TSPAN9: variants seen among roughly 807,000 people sequenced by gnomAD.
TSPAN9 encodes tetraspanin 9, also known as tetraspanin-9.
In TSPAN9, 16 loss-of-function variants were observed where a neutral mutation model predicts 31.0. The ratio of observed to expected loss-of-function variants is 0.52; its 90% confidence interval spans 0.35 to 0.78. TSPAN9 has a LOEUF of 0.78. Among genes scored for constraint, TSPAN9 ranks in the 30% least tolerant of loss-of-function variants. The pLI is 0.01. For synonymous variants in TSPAN9, 145 were observed against 121.6 expected, an observed-to-expected ratio of 1.19 and a Z score of -1.27; for missense variants, 272 against 312.5, an observed-to-expected ratio of 0.87 and a Z score of 0.98.
At chr12:3,174,833 C>T (rs12827626) in intron 2 of TSPAN9, among the ~76,000 whole-genome samples, 23,662 of 151,406 alleles carry the variant, frequency 0.16, 1,991 homozygotes, top group African/African-American at 0.21. Flanking sequence ...CCTCCCGCCT[C>T]GGCCTCCCAA....
intron 3 of TSPAN9, among the ~76,000 whole-genome samples, chr12:3,204,788 G>A (rs1177134813): frequency 6.6e-6 from 1 of 152,178 alleles, no homozygotes. Context: ...TCCCCATACT[G>A]AGGATCCTGT....
At chr12:3,260,336 C>T (rs1315685266) in intron 3 of TSPAN9, among the ~76,000 whole-genome samples, 1 of 152,208 alleles carries the variant, frequency 6.6e-6, no homozygotes, top group Non-Finnish European at 1.5e-5. Flanking sequence ...GGTGGGGATG[C>T]AGGTTTGTTC....
At chr12:3,239,394 A>G (rs990517894) in intron 3 of TSPAN9, among the ~76,000 whole-genome samples, 2 of 152,214 alleles carry the variant, frequency 1.3e-5, no homozygotes, top group African/African-American at 2.4e-5. Context: ...CCACACCTAC[A>G]CAGAGGGCAG....
intron 3 of TSPAN9, among the ~76,000 whole-genome samples, chr12:3,230,846 C>A (rs897690671): frequency 1.3e-5 from 2 of 151,796 alleles, no homozygotes; most frequent in Admixed American, 6.6e-5. Flanking sequence ...CTGTCCTCGG[C>A]CCCCCTGGAG....
Position 3,089,149 on chromosome 12 carries a change from A to G in TSPAN9, c.-18+5430A>G, listed in dbSNP as rs566185691. On this transcript the variant is annotated intron_variant, in intron 2 of 8. Coordinates refer to ENST00000011898, the MANE Select transcript of TSPAN9 (RefSeq NM_006675.5). ...CGGGAGGCTGAGGCAGGAGAATGGC[A>G]TGAACCTGGGAGGTGGAGCTTGCAG... 2.9e-3 allele frequency among the ~76,000 whole-genome samples: 434 copies of G among 149,716 alleles called. 3 individuals are homozygous for G. Among genetic ancestry groups the G allele is most frequent in the African/African-American group, 9.0e-3 (368 of 40,814 alleles).
chr12:3,238,692 A>G (rs1481097441), intron 3 of TSPAN9, among the ~76,000 whole-genome samples: 1 of 152,180 alleles, frequency 6.6e-6, no homozygotes, highest in Non-Finnish European at 1.5e-5. Context: ...AAAACGGGGT[A>G]AAGATTCTCT....
chr12:3,098,023 A>C (rs2098309993), intron 2 of TSPAN9, among the ~76,000 whole-genome samples: 2 of 152,246 alleles, frequency 1.3e-5, no homozygotes, highest in Admixed American at 1.3e-4. Context: ...ACGCATGTGT[A>C]GATGTGCACC....
chr12:3,245,792 T>A (rs368095200), intron 3 of TSPAN9, among the ~76,000 whole-genome samples: 5 of 152,232 alleles, frequency 3.3e-5, no homozygotes, highest in East Asian at 2.0e-4. Flanking sequence ...ATCTGCATTT[T>A]TGGTAACTGG....
intron 2 of TSPAN9, among the ~76,000 whole-genome samples, chr12:3,105,971 G>A (rs73247355): frequency 0.024 from 3,705 of 151,986 alleles, 147 homozygotes; most frequent in African/African-American, 0.085. Flanking sequence ...GTGCTCATTC[G>A]TATGTGCAGC....
At chr12:3,252,569 G>A (rs946270749) in intron 3 of TSPAN9, among the ~76,000 whole-genome samples, 3 of 152,242 alleles carry the variant, frequency 2.0e-5, no homozygotes, top group Non-Finnish European at 4.4e-5. Flanking sequence ...CGGGGAGCCT[G>A]CCGCTAGCTG....
chr12:3,120,443 G>A (rs773552953), intron 2 of TSPAN9, among the ~76,000 whole-genome samples: 2 of 152,136 alleles, frequency 1.3e-5, no homozygotes, highest in African/African-American at 4.8e-5. Context: ...CCTGGAGCCT[G>A]CTCTCCCCAC....
intron 3 of TSPAN9, among the ~76,000 whole-genome samples, chr12:3,251,261 G>A (rs1189633091): frequency 1.3e-5 from 2 of 152,190 alleles, no homozygotes; most frequent in African/African-American, 4.8e-5. Context: ...TGCACCCGCT[G>A]TGTGCCGCAG....
intron 2 of TSPAN9, among the ~76,000 whole-genome samples, chr12:3,171,405 C>T (rs565483991): frequency 6.6e-6 from 1 of 152,232 alleles, no homozygotes; most frequent in Admixed American, 6.5e-5. Context: ...TGCCCACTCT[C>T]TTCTCATGTT....
chr12:3,171,521 TGTTA>T (rs2098351836), intron 2 of TSPAN9: 3 of 152,354 alleles, frequency 2.0e-5, no homozygotes, highest in African/African-American at 4.8e-5. Flanking sequence ...CTTCCTGTGT[TGTTA>T]GTTACCCATC....
intron 2 of TSPAN9, among the ~76,000 whole-genome samples, chr12:3,163,988 A>G (rs2098346926): frequency 6.6e-6 from 1 of 152,174 alleles, no homozygotes; most frequent in Non-Finnish European, 1.5e-5. Flanking sequence ...CCTTCACCCC[A>G]GTTCCTGATC....
chr12:3,163,666 C>T lies in TSPAN9; in HGVS notation c.-17-37511C>T, dbSNP rs531465650. Among the ~76,000 whole-genome samples, 7 of 152,254 alleles carry T rather than the reference C, an allele frequency of 4.6e-5. No individual in the cohort carries two copies. In the East Asian group the frequency reaches 5.8e-4, roughly 13 times the overall value. On this transcript the variant is annotated intron_variant, in intron 2 of 8. Transcript: ENST00000011898. ...CACATCCTGGAGTAGGAGGTATTTA[C>T]GAGAGACAGATGTCAGCGTGTGGTG...
intron 2 of TSPAN9, among the ~76,000 whole-genome samples, chr12:3,086,746 G>A (rs765048616): frequency 2.2e-4 from 34 of 152,194 alleles, no homozygotes; most frequent in Admixed American, 5.9e-4. Flanking sequence ...CTCACAGCAC[G>A]TTTGTGCGAA....
chr12:3,190,400 A>T (rs921296261), intron 2 of TSPAN9, among the ~76,000 whole-genome samples: 3 of 152,222 alleles, frequency 2.0e-5, no homozygotes, highest in Non-Finnish European at 2.9e-5. Context: ...GCCTTCCTTG[A>T]TAAGTACTAA....
chr12:3,221,555 C>G lies in TSPAN9; in HGVS notation c.63+20299C>G, dbSNP rs567948830. ...TGTAGTTTTAGTAGAGACAGAGTTT[C>G]ACCATGTTGGCCAGGCTGGTCTTGA... On this transcript the variant is annotated intron_variant, in intron 3 of 8. Coordinates refer to ENST00000011898, the MANE Select transcript of TSPAN9 (RefSeq NM_006675.5). Among the ~76,000 whole-genome samples the G allele has an allele frequency of 2.6e-5, 4 of 152,206 alleles. No homozygotes were observed. In the South Asian group the frequency reaches 8.3e-4, roughly 32 times the overall value.
Sources: allele counts gnomAD v4.1 joint callset (sites outside exome capture counted in the v4.1 genomes callset), GRCh38; gene constraint gnomAD v4.1.1; transcripts MANE v1.5; gene names NCBI Gene and HGNC (gene_info 2026-07-23, HGNC 2026-07-21).